The following ARHGAP6 variants were observed in gnomAD, a reference collection of about 807,000 sequenced individuals.
The protein encoded by ARHGAP6 is rho GTPase-activating protein 6.
In ARHGAP6, 16 loss-of-function variants were observed where a neutral mutation model predicts 55.7. That is an observed-to-expected ratio of 0.29 (90% CI 0.19 to 0.44). The LOEUF is 0.44. Among genes scored for constraint, ARHGAP6 ranks in the 20% least tolerant of loss-of-function variants. ARHGAP6 has a pLI of 1.00. For missense variants in ARHGAP6, 698 were observed against 808.9 expected, an observed-to-expected ratio of 0.86 and a Z score of 1.66; for synonymous variants, 382 against 360.9, an observed-to-expected ratio of 1.06 and a Z score of -0.66.
chrX:11,449,030 T>C (rs2050119765), intron 1 of ARHGAP6, among the ~76,000 whole-genome samples: 2 of 111,075 alleles, frequency 1.8e-5, no homozygotes, highest in African/African-American at 6.6e-5. Context: ...TTTCTATACT[T>C]CTCTGGGGCA....
intron 1 of ARHGAP6, among the ~76,000 whole-genome samples, chrX:11,541,316 G>T (rs2051155404): frequency 9.0e-6 from 1 of 111,432 alleles, no homozygotes; most frequent in Non-Finnish European, 1.9e-5. Context: ...AGTGGACTCT[G>T]GGGTGTAGGG....
intron 1 of ARHGAP6, among the ~76,000 whole-genome samples, chrX:11,532,018 T>C (rs1187765976): frequency 1.8e-5 from 2 of 112,541 alleles, no homozygotes; most frequent in Admixed American, 9.4e-5. Flanking sequence ...TATTGAGGCA[T>C]TGGTGCTACA....
chrX:11,210,941 A>G (rs2046785077), intron 2 of ARHGAP6, among the ~76,000 whole-genome samples: 1 of 112,342 alleles, frequency 8.9e-6, no homozygotes, highest in Non-Finnish European at 1.9e-5. Context: ...CTATTAAGTT[A>G]CACATTTGAT....
intron 1 of ARHGAP6, among the ~76,000 whole-genome samples, chrX:11,374,899 C>A (rs1432420652): frequency 9.0e-6 from 1 of 111,455 alleles, no homozygotes; most frequent in Non-Finnish European, 1.9e-5. Flanking sequence ...CTACTGACTC[C>A]CCTCCATCAT....
At chrX:11,447,888 T>C (rs2050107677) in intron 1 of ARHGAP6, among the ~76,000 whole-genome samples, 1 of 112,252 alleles carries the variant, frequency 8.9e-6, no homozygotes, top group Non-Finnish European at 1.9e-5. Context: ...TTGACATGTA[T>C]ATTTATTGAT....
chrX:11,427,616 C>T lies in ARHGAP6; in HGVS notation c.589-172909G>A, dbSNP rs746203412. The T allele has an allele frequency of 4.3e-5, 38 of 883,869 alleles. No homozygotes were observed. In the African/African-American group the frequency reaches 8.3e-4, roughly 19 times the overall value. 72.8% of individuals were successfully genotyped at this position (883,869 alleles called of 1,213,427 possible). A position where few individuals can be genotyped will look rare whatever the true frequency, so the allele number is the denominator to read the frequency against. ...CCCATGTCGCCTCCGGGAGGAGTGG[C>T]GCGCCTTGGGCTCAGCCTGGGGTCA... On this transcript the variant is annotated intron_variant, in intron 1 of 12. Transcript: ENST00000337414.
intron 2 of ARHGAP6, among the ~76,000 whole-genome samples, chrX:11,242,449 A>AT (rs201606469): frequency 3.0e-4 from 33 of 109,239 alleles, no homozygotes; most frequent in South Asian, 2.0e-3. Flanking sequence ...TTTAAAGAAG[A>AT]TTTTTTTTTC....
chrX:11,498,417 G>T (rs188137661), intron 1 of ARHGAP6, among the ~76,000 whole-genome samples: 147 of 111,946 alleles, frequency 1.3e-3, no homozygotes, highest in Middle Eastern at 4.6e-3. Flanking sequence ...ATTTATCTGT[G>T]CCTGTTGCCA....
At chrX:11,289,976 C>T (rs1203426627) in intron 1 of ARHGAP6, among the ~76,000 whole-genome samples, 1 of 111,999 alleles carries the variant, frequency 8.9e-6, no homozygotes, top group Non-Finnish European at 1.9e-5. Context: ...CAGAGCGAGA[C>T]TCTGTCTCAA....
At chrX:11,402,527 G>A (rs2049561765) in intron 1 of ARHGAP6, among the ~76,000 whole-genome samples, 1 of 111,089 alleles carries the variant, frequency 9.0e-6, no homozygotes, top group Admixed American at 9.6e-5. Context: ...CCACAACTAT[G>A]CTTGTATAGA....
intron 10 of ARHGAP6, among the ~76,000 whole-genome samples, chrX:11,151,274 T>TC (rs1569231673): frequency 6.4e-5 from 7 of 108,684 alleles, no homozygotes; most frequent in Non-Finnish European, 1.1e-4. Context: ...TTTTTTTTTT[T>TC]TCCCCCTAGA....
At chrX:11,657,214 T>C (rs976821369) in intron 1 of ARHGAP6, among the ~76,000 whole-genome samples, 4 of 110,399 alleles carry the variant, frequency 3.6e-5, no homozygotes, top group African/African-American at 1.3e-4. Flanking sequence ...ATGATTACAA[T>C]TGCATCTTTT....
intron 9 of ARHGAP6, among the ~76,000 whole-genome samples, chrX:11,163,712 G>A (rs906972404): frequency 8.9e-6 from 1 of 112,099 alleles, no homozygotes; most frequent in Non-Finnish European, 1.9e-5. Context: ...ATAATTTAAG[G>A]GGTCTGGGTG....
intron 1 of ARHGAP6, among the ~76,000 whole-genome samples, chrX:11,297,248 C>G (rs1293304855): frequency 1.8e-5 from 2 of 111,907 alleles, no homozygotes; most frequent in Non-Finnish European, 3.8e-5. Context: ...TCTTGCTTGC[C>G]TCTGCTGAAA....
At chrX:11,326,993 A>C (rs913077768) in intron 1 of ARHGAP6, among the ~76,000 whole-genome samples, 11 of 111,922 alleles carry the variant, frequency 9.8e-5, no homozygotes, top group African/African-American at 1.6e-4. Context: ...TCTAAAAAAA[A>C]CCCCTACATC....
At chrX:11,153,353 C>T (rs1170352036) in intron 10 of ARHGAP6, among the ~76,000 whole-genome samples, 1 of 108,362 alleles carries the variant, frequency 9.2e-6, no homozygotes, top group Non-Finnish European at 1.9e-5. Flanking sequence ...AGTGAAACCC[C>T]GTCTCTACTA....
chrX:11,169,392 A>T, intron 9 of ARHGAP6, 113 bp downstream of exon 9: 1 of 686,331 alleles, frequency 1.5e-6, no homozygotes, highest in Non-Finnish European at 2.0e-6. Flanking sequence ...CTTCCAATGA[A>T]TTCAGTGAGC....
At chrX:11,299,118 G>A in intron 1 of ARHGAP6, 1 of 773,237 alleles carries the variant, frequency 1.3e-6, no homozygotes, top group Non-Finnish European at 1.9e-6. Flanking sequence ...CAAGCAATAT[G>A]CTATACCTTT....
intron 1 of ARHGAP6, among the ~76,000 whole-genome samples, chrX:11,324,314 C>G (rs771500848): frequency 1.8e-5 from 2 of 109,727 alleles, no homozygotes; most frequent in South Asian, 7.8e-4. Flanking sequence ...TAAAAGCAGA[C>G]TGGTCAAGAG....
Sources: gnomAD v4.1 joint callset for allele counts (sites outside exome capture counted in the v4.1 genomes callset) on GRCh38, gnomAD v4.1.1 for gene constraint, MANE v1.5 for transcripts, NCBI Gene and HGNC (gene_info 2026-07-23, HGNC 2026-07-21) for gene names.